ZBTB7A: variants seen among roughly 807,000 people sequenced by gnomAD.
ZBTB7A encodes zinc finger and BTB domain containing 7A, also known as zinc finger and BTB domain-containing protein 7A.
A neutral mutation model predicts 26.7 loss-of-function variants in ZBTB7A; 7 were observed. The ratio of observed to expected loss-of-function variants is 0.26; its 90% CI spans 0.15 to 0.49. The LOEUF is 0.49. ZBTB7A is among the 20% of genes least tolerant of loss of function. The pLI is 0.98. For synonymous variants in ZBTB7A, 452 were observed against 441.0 expected (o/e 1.02, Z -0.31); for missense variants, 617 against 919.5 (o/e 0.67, Z 4.25).
chr19:4,059,021 C>G (rs372778849), intron 1 of ZBTB7A, among the ~76,000 whole-genome samples: 1 of 152,208 alleles, frequency 6.6e-6, no homozygotes, highest in Non-Finnish European at 1.5e-5. Context: ...ACCCAAGGCT[C>G]GGCCCTGGGA....
chr19:4,054,810 C>A lies in ZBTB7A; in HGVS notation c.423G>T (p.Gly141=), dbSNP rs773969745. The A allele has an allele frequency of 1.1e-5, 17 of 1,594,104 alleles. No homozygotes were observed. The highest frequency in any genetic ancestry group is 1.1e-5 in the Non-Finnish European group (13 of 1,170,210). The change falls in exon 2 of 3, where the codon GGG becomes GGT. Residue 141 remains glycine, a synonymous_variant. Transcript: ENST00000322357. ...ILAADAGADA[G]QLDLVDQIDQ... The stretch of plus-strand genomic sequence containing the variant: ...CAATTTGATCTACAAGGTCCAGCTG[C>A]CCGGCGTCGGCGCCCGCGTCGGCCG...
At chr19:4,053,660 CTG>C (rs894760045) in intron 2 of ZBTB7A, among the ~76,000 whole-genome samples, 59 of 145,770 alleles carry the variant, frequency 4.0e-4, no homozygotes, top group South Asian at 3.1e-3. Context: ...TGTAGCATGT[CTG>C]TATGTGTATG....
In ZBTB7A at chr19:4,051,067, C is replaced by T. The variant is rs527868491; in HGVS notation, c.1263-2823G>A. 2.9e-5 allele frequency among the ~76,000 whole-genome samples: 4 copies of T among 138,112 alleles called. No individual in the cohort carries two copies. The East Asian group carries it at 8.1e-4, about 28-fold the overall frequency. 90.6% of individuals were successfully genotyped at this position (138,112 alleles called of 152,430 possible). On this transcript the variant is annotated intron_variant, in intron 2 of 2. Transcript: ENST00000322357. ...GAGCTGAGATCGTGCCACTGCACTC[C>T]AGCCTGGGCGACAGAGCAAGACTCG... is the stretch of plus-strand genomic sequence containing the variant.
chr19:4,046,123 G>T lies in ZBTB7A; in HGVS notation c.*1629C>A. On this transcript the variant is annotated 3_prime_UTR_variant, in exon 3 of 3. Coordinates refer to ENST00000322357, the MANE Select transcript of ZBTB7A (RefSeq NM_015898.4). ...AAGGAGAGACCCCGTGGACAGAAGCGGGCGCTAAGACCTCTTCACGTCAGA... is the reference window on the plus strand; with the variant it reads ...AAGGAGAGACCCCGTGGACAGAAGCTGGCGCTAAGACCTCTTCACGTCAGA... 1 of 398,992 alleles carries T rather than the reference G, an allele frequency of 2.5e-6. No homozygotes were observed. 24.7% of individuals were successfully genotyped at this position (398,992 alleles called of 1,614,324 possible).
chr19:4,064,330 C>T (rs528700414), intron 1 of ZBTB7A, among the ~76,000 whole-genome samples: 2 of 152,250 alleles, frequency 1.3e-5, no homozygotes, highest in African/African-American at 4.8e-5. Flanking sequence ...CTCCTGCCCC[C>T]CCTTCTCCCC....
At chr19:4,061,512 A>C (rs2040637753) in intron 1 of ZBTB7A, 1 of 152,172 alleles carries the variant, frequency 6.6e-6, no homozygotes, top group Non-Finnish European at 1.5e-5. Context: ...ATCGGGGGGC[A>C]CCAACGGCCT....
chr19:4,063,970 A>T (rs1366409167), intron 1 of ZBTB7A, among the ~76,000 whole-genome samples: 1 of 152,210 alleles, frequency 6.6e-6, no homozygotes, highest in Non-Finnish European at 1.5e-5. Context: ...GGACCCAGCT[A>T]TAGGTCAGAG....
At chr19:4,064,093 C>T (rs1180802545) in intron 1 of ZBTB7A, among the ~76,000 whole-genome samples, 1 of 152,382 alleles carries the variant, frequency 6.6e-6, no homozygotes, top group Admixed American at 6.5e-5. Flanking sequence ...CTGCCTCGGC[C>T]GCGCCTCAGT....
intron 1 of ZBTB7A, among the ~76,000 whole-genome samples, chr19:4,064,233 A>T (rs1474790251): frequency 6.6e-6 from 1 of 151,500 alleles, no homozygotes; most frequent in Non-Finnish European, 1.5e-5. Context: ...AATAATAAAT[A>T]CCCCCCGGAC....
Position 4,052,473 on chromosome 19 carries a change from C to T in ZBTB7A, c.1262+1498G>A, listed in dbSNP as rs1292754707. 1.3e-5 allele frequency among the ~76,000 whole-genome samples: 2 copies of T among 151,924 alleles called. No individual in the cohort carries two copies. The highest frequency in any genetic ancestry group is 2.9e-5 in the Non-Finnish European group (2 of 67,934). ...CCTGGGCGCCGGAGTCCAGGCCGCA[C>T]CTTCCTCTCCTGGCCTGCTGGGGAG... On this transcript the variant is annotated intron_variant, in intron 2 of 2. Transcript: ENST00000322357. The surrounding 1 kb of genome is among the most constrained non-coding windows in gnomAD (Gnocchi z 4.9).
intron 1 of ZBTB7A, among the ~76,000 whole-genome samples, chr19:4,063,114 G>A (rs948119523): frequency 1.3e-5 from 2 of 152,098 alleles, no homozygotes; most frequent in Non-Finnish European, 1.5e-5. Context: ...GGTGTCTCAC[G>A]CAGTTCTGAC....
Position 4,052,313 on chromosome 19 carries a change from C to T in ZBTB7A, c.1262+1658G>A, listed in dbSNP as rs147172008. ...AAGCTGCTCTTCCTGAGCTCAGAGA[C>T]GAACCCACAGTGACCCCTGCCTGGA... is the stretch of plus-strand genomic sequence containing the variant. On this transcript the variant is annotated intron_variant, in intron 2 of 2. Coordinates refer to ENST00000322357, the MANE Select transcript of ZBTB7A (RefSeq NM_015898.4). The surrounding 1 kb of genome is among the most constrained non-coding windows in gnomAD (Gnocchi z 4.9). Among the ~76,000 whole-genome samples, 30 of 152,270 alleles carry T rather than the reference C, an allele frequency of 2.0e-4. No homozygotes were observed. In the East Asian group the frequency reaches 5.2e-3, roughly 26 times the overall value.
Position 4,052,623 on chromosome 19 carries a change from CG to C in ZBTB7A, c.1262+1347del, listed in dbSNP as rs1352261898. Among the ~76,000 whole-genome samples the C allele has an allele frequency of 7.2e-6, 1 of 139,268 alleles. No homozygotes were observed. Among genetic ancestry groups the C allele is most frequent in the South Asian group, 2.6e-4 (1 of 3,808 alleles). The allele number at this position is 139,268 out of a possible 152,430, so 91.4% of individuals were successfully genotyped here. On this transcript the variant is annotated intron_variant, in intron 2 of 2. Coordinates refer to ENST00000322357, the MANE Select transcript of ZBTB7A (RefSeq NM_015898.4). This position sits in a 1 kb window ranked among gnomAD's most constrained non-coding sequence, Gnocchi z 4.9. ...GTGGCTGGGGGAACCCCAGGGCGGG[CG>C]GGGGGCAGGGGGTGGTGCTGAGTCA... is the stretch of plus-strand genomic sequence containing the variant.
At position 4,048,756 on chromosome 19, in the gene ZBTB7A, G is replaced by T. The variant is rs2040457220; in HGVS notation, c.1263-512C>A. ...TAATGCCAGCTATTAGGAAGGCTGA[G>T]GCAGGAGGATCACTTGTATCTGGGA... On this transcript the variant is annotated intron_variant, in intron 2 of 2. Coordinates refer to ENST00000322357, the MANE Select transcript of ZBTB7A (RefSeq NM_015898.4). This position sits in a 1 kb window ranked among gnomAD's most constrained non-coding sequence, Gnocchi z 6.7. Among the ~76,000 whole-genome samples the T allele has an allele frequency of 6.6e-6, 1 of 151,962 alleles. No individual in the cohort carries two copies. Among genetic ancestry groups the T allele is most frequent in the African/African-American group, 2.4e-5 (1 of 41,386 alleles).
rs2144971179 is a variant in ZBTB7A, at chr19:4,047,653, AG to A, written c.*98del. ...TAGATATAGATATCTGTATATAGAT[AG>A]ATTTTCTTTTTTTGTGTTTTTGGGG... On this transcript the variant is annotated 3_prime_UTR_variant, in exon 3 of 3. Coordinates refer to ENST00000322357, the MANE Select transcript of ZBTB7A (RefSeq NM_015898.4). The A allele has an allele frequency of 7.8e-7, 1 of 1,286,024 alleles. No individual in the cohort carries two copies. Among genetic ancestry groups the A allele is most frequent in the East Asian group, 2.7e-5 (1 of 37,022 alleles). The allele number at this position is 1,286,024 out of a possible 1,614,324, so 79.7% of individuals were successfully genotyped here. A position where few individuals can be genotyped will look rare whatever the true frequency, so the allele number is the denominator to read the frequency against.
rs561607975 is a variant in ZBTB7A at position 4,066,315 on chromosome 19, G to A, written c.-16+367C>T. ...GTCTTCAGCTGGAAACTTAGCAGGC[G>A]ACGCGCCCCCCTATCTCCCCACGCC... On this transcript the variant is annotated intron_variant, in intron 1 of 2. Transcript: ENST00000322357. Among the ~76,000 whole-genome samples the A allele has an allele frequency of 2.5e-4, 37 of 149,612 alleles. No homozygotes were observed. In the East Asian group the frequency reaches 6.9e-3, roughly 28 times the overall value.
intron 2 of ZBTB7A, among the ~76,000 whole-genome samples, chr19:4,051,432 C>A (rs1432758876): frequency 5.3e-5 from 8 of 152,212 alleles, no homozygotes; most frequent in Non-Finnish European, 1.2e-4. Context: ...CCTCTGGGTT[C>A]CTCCAGCCCT....
intron 1 of ZBTB7A, among the ~76,000 whole-genome samples, chr19:4,060,953 G>C (rs2040632042): frequency 6.6e-6 from 1 of 152,174 alleles, no homozygotes. Flanking sequence ...AGCAGCTCGG[G>C]TTCAAGCCTC....
chr19:4,058,688 C>A (rs2040609020), intron 1 of ZBTB7A, among the ~76,000 whole-genome samples: 1 of 152,364 alleles, frequency 6.6e-6, no homozygotes, highest in Admixed American at 6.5e-5. Flanking sequence ...ACCCTCCTGT[C>A]CCCCAGCCCA....
Sources: gnomAD v4.1 joint callset for allele counts (sites outside exome capture counted in the v4.1 genomes callset) on GRCh38, gnomAD v4.1.1 for gene constraint, Gnocchi (gnomAD v3.1) non-coding constraint, MANE v1.5 for transcripts, NCBI Gene and HGNC (gene_info 2026-07-23, HGNC 2026-07-21) for gene names.